The following TEX26 variants were observed in gnomAD, a reference collection of about 807,000 sequenced individuals.
The protein encoded by TEX26 is testis expressed 26.
In TEX26, 34 loss-of-function variants were observed where a neutral mutation model predicts 35.3. The ratio of observed to expected loss-of-function variants is 0.96; its 90% CI spans 0.73 to 1.28. The LOEUF (loss-of-function observed/expected upper bound fraction) is 1.28, where lower values mean the gene tolerates loss of function less well. Among genes scored for constraint, TEX26 ranks in the 50% most tolerant of loss-of-function variants. The pLI, the probability that TEX26 is intolerant of heterozygous loss-of-function variation, is 0.00. For synonymous variants in TEX26, 136 were observed against 111.8 expected (o/e 1.22, Z -1.36); for missense variants, 371 against 330.1 (o/e 1.12, Z -0.96).
At chr13:30,961,535 A>G (rs532153492) in intron 4 of TEX26, among the ~76,000 whole-genome samples, 3 of 49,740 alleles carry the variant, frequency 6.0e-5, no homozygotes, top group East Asian at 2.9e-3. Flanking sequence ...TTTGCTTTCC[A>G]TTTTCTAAAA....
At chr13:30,956,268 T>C (rs564015733) in intron 3 of TEX26, among the ~76,000 whole-genome samples, 3 of 150,360 alleles carry the variant, frequency 2.0e-5, no homozygotes, top group African/African-American at 7.3e-5. Context: ...ATGCGGTGTT[T>C]GGTTTTTTGT....
chr13:30,943,215 C>T (rs111544013), intron 2 of TEX26, among the ~76,000 whole-genome samples: 2 of 151,958 alleles, frequency 1.3e-5, no homozygotes, highest in Admixed American at 1.3e-4. Flanking sequence ...TTCACCTCCT[C>T]CTTGGTTAAG....
At chr13:30,974,131 A>AT (rs1555271792) in intron 6 of TEX26, among the ~76,000 whole-genome samples, 1,475 of 84,378 alleles carry the variant, frequency 0.017, 15 homozygotes, top group Middle Eastern at 0.044. Flanking sequence ...AAAAAAAAAA[A>AT]ATATATATAT....
rs527926081 is a variant in TEX26 at position 30,939,858 on chromosome 13, TAGAC to T, written c.146+83_146+86del. The T allele has an allele frequency of 9.2e-5, 116 of 1,267,062 alleles. 1 individual carries two copies. In the South Asian group the frequency reaches 1.4e-3, roughly 15 times the overall value. 78.5% of individuals were successfully genotyped at this position (1,267,062 alleles called of 1,614,324 possible). A position where few individuals can be genotyped will look rare whatever the true frequency, so the allele number is the denominator to read the frequency against. On this transcript the variant is annotated intron_variant, in intron 2 of 6. Coordinates refer to ENST00000380473, the MANE Select transcript of TEX26 (RefSeq NM_152325.3). Reference sequence around the variant, plus strand: ...TTTTATGACTCAGAATCCAAACACATAGACAGTAATTAGAGAAGCTTCGTAAAAA... The same window carrying T: ...TTTTATGACTCAGAATCCAAACACATAGTAATTAGAGAAGCTTCGTAAAAA...
chr13:30,969,166 C>CA (rs35969747), intron 6 of TEX26, 120 bp downstream of exon 6: 225,892 of 592,606 alleles, frequency 0.38, 10,241 homozygotes, highest in East Asian at 0.47. Context: ...AACATTGCCT[C>CA]AAAAAAAAAA....
Position 30,956,985 on chromosome 13 carries a change from A to C in TEX26, c.425A>C (p.Gln142Pro), listed in dbSNP as rs547336150. ...MKEVNKALSN[Q>P]FISLTKRDFV... ...GAAGTTAACAAGGCACTATCAAATC[A>C]GTTTATTTCCCTTACTAAGAGAGAC... Residue 142 changes from glutamine to proline, a missense_variant, in exon 4 of 7, where the codon CAG (glutamine) becomes CCG (proline). Gln to Pro is a moderately conservative substitution (Grantham distance 76). Coordinates refer to ENST00000380473, the MANE Select transcript of TEX26 (RefSeq NM_152325.3). 3 of 1,614,118 alleles carry C rather than the reference A, an allele frequency of 1.9e-6. No homozygotes were observed. Among genetic ancestry groups the C allele is most frequent in the Non-Finnish European group, 2.5e-6 (3 of 1,180,056 alleles).
chr13:30,953,278 A>C (rs1195539483), intron 3 of TEX26, among the ~76,000 whole-genome samples: 2 of 152,198 alleles, frequency 1.3e-5, no homozygotes, highest in Admixed American at 6.5e-5. Context: ...GGAATCAATA[A>C]TAGGTGACCT....
chr13:30,962,880 T>C (rs999882160), intron 4 of TEX26, among the ~76,000 whole-genome samples: 1 of 152,058 alleles, frequency 6.6e-6, no homozygotes, highest in Non-Finnish European at 1.5e-5. Context: ...TGGAGTGCAG[T>C]GGCCTGATCT....
At chr13:30,946,364 C>G (rs1454113426) in intron 2 of TEX26, among the ~76,000 whole-genome samples, 1 of 151,590 alleles carries the variant, frequency 6.6e-6, no homozygotes, top group African/African-American at 2.4e-5. Flanking sequence ...TTCTTAATTT[C>G]TTTATGTTGG....
chr13:30,946,623 T>C (rs939659973), intron 2 of TEX26, among the ~76,000 whole-genome samples: 14 of 151,948 alleles, frequency 9.2e-5, no homozygotes, highest in African/African-American at 3.4e-4. Context: ...TTAAAATTTC[T>C]TTTTTCCCCC....
chr13:30,938,761 T>C (rs1645872694), intron 1 of TEX26, among the ~76,000 whole-genome samples: 1 of 152,178 alleles, frequency 6.6e-6, no homozygotes, highest in South Asian at 2.1e-4. Context: ...GGGACACTTT[T>C]TTTGACTTTC....
At chr13:30,974,131 A>AAAAAAATATATATATATATATATAT in intron 6 of TEX26, among the ~76,000 whole-genome samples, 2 of 84,430 alleles carry the variant, frequency 2.4e-5, no homozygotes, top group Non-Finnish European at 4.5e-5. Flanking sequence ...AAAAAAAAAA[A>AAAAAAATATATATATATATATATAT]ATATATATAT....
chr13:30,939,162 C>T (rs985864968), intron 1 of TEX26, among the ~76,000 whole-genome samples: 12 of 152,220 alleles, frequency 7.9e-5, no homozygotes, highest in Non-Finnish European at 1.3e-4. Flanking sequence ...ATTACCTCCA[C>T]ATGTATGCAA....
chr13:30,943,451 T>A (rs1252024738), intron 2 of TEX26, among the ~76,000 whole-genome samples: 1 of 152,112 alleles, frequency 6.6e-6, no homozygotes, highest in Non-Finnish European at 1.5e-5. Context: ...TGGATACACT[T>A]TATTTCTTTC....
intron 1 of TEX26, among the ~76,000 whole-genome samples, chr13:30,938,628 A>C (rs967140563): frequency 6.6e-6 from 1 of 152,214 alleles, no homozygotes; most frequent in Non-Finnish European, 1.5e-5. Flanking sequence ...CAACATATAC[A>C]TTTGGGGATT....
chr13:30,957,093 G>T (rs552720220), intron 4 of TEX26, 64 bp downstream of exon 4: 2 of 1,515,528 alleles, frequency 1.3e-6, no homozygotes, highest in Admixed American at 1.8e-5. Flanking sequence ...TGCAGTGGTC[G>T]GCAGCATGCG....
intron 1 of TEX26, among the ~76,000 whole-genome samples, chr13:30,935,210 G>T (rs931762282): frequency 1.3e-5 from 2 of 152,266 alleles, no homozygotes; most frequent in Admixed American, 1.3e-4. Flanking sequence ...CTCAGAGTGG[G>T]GTTGGGACCA....
chr13:30,972,896 C>T (rs1954761371), intron 6 of TEX26, among the ~76,000 whole-genome samples: 1 of 152,230 alleles, frequency 6.6e-6, no homozygotes, highest in Non-Finnish European at 1.5e-5. Flanking sequence ...CTTGGCCTTC[C>T]AAAGTGCTGG....
At chr13:30,961,588 T>C (rs1954346651) in intron 4 of TEX26, among the ~76,000 whole-genome samples, 3 of 152,232 alleles carry the variant, frequency 2.0e-5, no homozygotes, top group Non-Finnish European at 4.4e-5. Context: ...TTGCTGGAGT[T>C]TGGGGACAGA....
Sources: allele counts gnomAD v4.1 joint callset (sites outside exome capture counted in the v4.1 genomes callset), GRCh38; gene constraint gnomAD v4.1.1; transcripts MANE v1.5; gene names NCBI Gene and HGNC (gene_info 2026-07-23, HGNC 2026-07-21).